The following NKAIN3 variants were observed in gnomAD, a reference collection of about 807,000 sequenced individuals.
NKAIN3 encodes sodium/potassium transporting ATPase interacting 3.
NKAIN3 carries 25 observed loss-of-function variants against 30.2 expected under a neutral mutation model. That is an observed-to-expected ratio of 0.83 (90% CI 0.60 to 1.16). NKAIN3 has a LOEUF of 1.16. Ranked by LOEUF, NKAIN3 falls within the 50% of genes most tolerant of loss-of-function variation. The pLI is 0.00. For missense variants in NKAIN3, 225 were observed against 254.1 expected, an observed-to-expected ratio of 0.89 and a Z score of 0.78; for synonymous variants, 91 against 89.6, an observed-to-expected ratio of 1.02 and a Z score of -0.09.
At chr8:62,591,424 T>C (rs944621348) in intron 3 of NKAIN3, among the ~76,000 whole-genome samples, 26 of 151,996 alleles carry the variant, frequency 1.7e-4, no homozygotes, top group African/African-American at 5.1e-4. Context: ...ATACACATGA[T>C]ATGTGGTAAC....
At chr8:62,580,926 A>ATATATATATG (rs1810269638) in intron 2 of NKAIN3, among the ~76,000 whole-genome samples, 1 of 148,240 alleles carries the variant, frequency 6.7e-6, no homozygotes, top group Non-Finnish European at 1.5e-5. Context: ...ATATATATAT[A>ATATATATATG]GAAATCCAGT....
At chr8:62,613,355 G>C (rs148218001) in intron 3 of NKAIN3, among the ~76,000 whole-genome samples, 141 of 152,204 alleles carry the variant, frequency 9.3e-4, no homozygotes, top group African/African-American at 3.1e-3. Context: ...CTCTCTACTA[G>C]CCTGTAAGGT....
At chr8:62,668,559 G>A (rs968535938) in intron 3 of NKAIN3, among the ~76,000 whole-genome samples, 8 of 151,996 alleles carry the variant, frequency 5.3e-5, no homozygotes, top group East Asian at 1.9e-4. Context: ...GATACGTTTC[G>A]TAAGAACATG....
intron 3 of NKAIN3, among the ~76,000 whole-genome samples, chr8:62,603,975 C>T (rs1410125561): frequency 6.6e-6 from 1 of 151,970 alleles, no homozygotes; most frequent in Non-Finnish European, 1.5e-5. Flanking sequence ...CTGCAGAAAC[C>T]CTTGTAACAA....
chr8:62,299,398 C>T (rs367674789), intron 1 of NKAIN3, among the ~76,000 whole-genome samples: 117 of 152,060 alleles, frequency 7.7e-4, no homozygotes, highest in African/African-American at 2.5e-3. Context: ...TGGCCCATGT[C>T]AGAAATTTGG....
intron 3 of NKAIN3, among the ~76,000 whole-genome samples, chr8:62,685,186 G>C (rs967078854): frequency 6.6e-6 from 1 of 152,074 alleles, no homozygotes; most frequent in South Asian, 2.1e-4. Context: ...GGTAGGAAAG[G>C]GTTTTCATAT....
At chr8:62,946,630 T>C (rs575037026) in intron 5 of NKAIN3, among the ~76,000 whole-genome samples, 1 of 152,350 alleles carries the variant, frequency 6.6e-6, no homozygotes, top group South Asian at 2.1e-4. Flanking sequence ...TATGAATTTA[T>C]ATCACGGAAC....
intron 1 of NKAIN3, among the ~76,000 whole-genome samples, chr8:62,509,192 G>T (rs1220902182): frequency 6.6e-6 from 1 of 152,078 alleles, no homozygotes; most frequent in Non-Finnish European, 1.5e-5. Context: ...AATCATGTGG[G>T]GTGGGGAGGG....
rs959642966 is a variant in NKAIN3, at chr8:62,387,807, T to C, written c.54+138680T>C. On this transcript the variant is annotated intron_variant, in intron 1 of 6. Transcript: ENST00000623646. Reference sequence around the variant, plus strand: ...CCTGTAATATTCCATGAGTCTACAGTGAGATTGGTAGTAAATATAATTTCA... The same window carrying C: ...CCTGTAATATTCCATGAGTCTACAGCGAGATTGGTAGTAAATATAATTTCA... 2.0e-5 allele frequency among the ~76,000 whole-genome samples: 3 copies of C among 152,252 alleles called. No homozygotes were observed. In the Middle Eastern group the frequency reaches 0.01, roughly 518 times the overall value.
chr8:62,736,435 G>A (rs985590274), intron 3 of NKAIN3, among the ~76,000 whole-genome samples: 1 of 152,132 alleles, frequency 6.6e-6, no homozygotes, highest in Non-Finnish European at 1.5e-5. Context: ...CACTGCTGCA[G>A]CATACAAGTT....
chr8:62,397,052 A>G (rs1817788605), intron 1 of NKAIN3, among the ~76,000 whole-genome samples: 1 of 152,172 alleles, frequency 6.6e-6, no homozygotes, highest in South Asian at 2.1e-4. Context: ...GGGGTGTTCT[A>G]GAAGAATCAT....
At chr8:62,321,855 C>T in intron 1 of NKAIN3, among the ~76,000 whole-genome samples, 1 of 152,154 alleles carries the variant, frequency 6.6e-6, no homozygotes, top group East Asian at 1.9e-4. Flanking sequence ...CTCTTCAAAG[C>T]TGTCAGACAG....
At chr8:62,319,282 G>A (rs1158260912) in intron 1 of NKAIN3, among the ~76,000 whole-genome samples, 4 of 151,946 alleles carry the variant, frequency 2.6e-5, no homozygotes, top group Non-Finnish European at 4.4e-5. Context: ...CAAAAAACCC[G>A]CTGCTGGATT....
At chr8:62,788,381 G>A (rs1361190889) in intron 4 of NKAIN3, among the ~76,000 whole-genome samples, 1 of 151,974 alleles carries the variant, frequency 6.6e-6, no homozygotes, top group African/African-American at 2.4e-5. Flanking sequence ...TTTTTGATGG[G>A]GTTGTTTTTT....
At chr8:62,297,259 T>C (rs1168933574) in intron 1 of NKAIN3, among the ~76,000 whole-genome samples, 1 of 152,182 alleles carries the variant, frequency 6.6e-6, no homozygotes, top group Non-Finnish European at 1.5e-5. Context: ...GACATAGGCA[T>C]GGGCAAGCAC....
chr8:62,895,251 G>C (rs535962769), intron 4 of NKAIN3, among the ~76,000 whole-genome samples: 167 of 152,288 alleles, frequency 1.1e-3, no homozygotes, highest in Non-Finnish European at 1.9e-3. Context: ...ACATTCATTA[G>C]ATTTCAGTGG....
At chr8:62,271,772 C>G (rs1236474449) in intron 1 of NKAIN3, among the ~76,000 whole-genome samples, 1 of 152,138 alleles carries the variant, frequency 6.6e-6, no homozygotes, top group South Asian at 2.1e-4. Flanking sequence ...GATTTCAGCT[C>G]TAGTGATTCT....
intron 1 of NKAIN3, among the ~76,000 whole-genome samples, chr8:62,402,329 T>G (rs897733796): frequency 3.3e-5 from 5 of 152,160 alleles, no homozygotes; most frequent in African/African-American, 7.2e-5. Context: ...GGACTCCTCT[T>G]TGACTCAGGG....
intron 3 of NKAIN3, among the ~76,000 whole-genome samples, chr8:62,675,683 G>C (rs1236930622): frequency 6.6e-6 from 1 of 152,264 alleles, no homozygotes; most frequent in African/African-American, 2.4e-5. Flanking sequence ...ACAGCTGCAA[G>C]GTACACTTTC....
Sources: allele counts gnomAD v4.1 joint callset (sites outside exome capture counted in the v4.1 genomes callset), GRCh38; gene constraint gnomAD v4.1.1; transcripts MANE v1.5; gene names NCBI Gene and HGNC (gene_info 2026-07-23, HGNC 2026-07-21).